Variants in PALM2AKAP2 observed in about 807,000 individuals in gnomAD.
PALM2AKAP2 encodes the protein PALM2 and AKAP2 fusion.
PALM2AKAP2 carries 37 observed loss-of-function variants against 71.5 expected under a neutral mutation model. The observed-to-expected ratio is 0.52, with a 90% CI of 0.40 to 0.68. PALM2AKAP2 has a LOEUF of 0.68. Among genes scored for constraint, PALM2AKAP2 ranks in the 30% least tolerant of loss-of-function variants. The pLI, the probability that PALM2AKAP2 is intolerant of heterozygous loss-of-function variation, is 0.00. For synonymous variants in PALM2AKAP2, 468 were observed against 478.8 expected, an observed-to-expected ratio of 0.98 and a Z score of 0.29; for missense variants, 1,224 against 1,191.8, an observed-to-expected ratio of 1.03 and a Z score of -0.40.
chr9:109,773,222 A>C (rs964094490), intron 1 of PALM2AKAP2, among the ~76,000 whole-genome samples: 8 of 151,822 alleles, frequency 5.3e-5, no homozygotes, highest in African/African-American at 1.9e-4. Flanking sequence ...TGCAGCCTCG[A>C]CCTCCTGGGT....
chr9:110,024,687 G>A (rs1354856489), intron 7 of PALM2AKAP2, among the ~76,000 whole-genome samples: 2 of 151,864 alleles, frequency 1.3e-5, no homozygotes, highest in Admixed American at 6.6e-5. Flanking sequence ...GGGAGGCTGA[G>A]GTGGGAGGCT....
At chr9:109,712,387 G>C (rs906899826) in intron 1 of PALM2AKAP2, among the ~76,000 whole-genome samples, 1 of 152,290 alleles carries the variant, frequency 6.6e-6, no homozygotes, top group Middle Eastern at 3.4e-3. Context: ...TTGCAAGGAG[G>C]CTCTTTTATC....
chr9:110,079,362 G>A (rs934573508), intron 1 of PALM2AKAP2, among the ~76,000 whole-genome samples: 57 of 152,092 alleles, frequency 3.7e-4, no homozygotes, highest in African/African-American at 1.3e-3. Context: ...CAAGCATGGC[G>A]GTGCATGCCT....
Position 110,081,077 on chromosome 9 carries a change from G to A in PALM2AKAP2, c.156+32222G>A, listed in dbSNP as rs559936281. Reference sequence around the variant, plus strand: ...TTACAATATTTTGAATCCTTCCGGAGACTGAATGAAAGATACATATTTAAA... The same window carrying A: ...TTACAATATTTTGAATCCTTCCGGAAACTGAATGAAAGATACATATTTAAA... On this transcript the variant is annotated intron_variant, in intron 1 of 3. Coordinates refer to ENST00000374525, the Ensembl canonical transcript of PALM2AKAP2. Among the ~76,000 whole-genome samples, 4 of 152,326 alleles carry A rather than the reference G, an allele frequency of 2.6e-5. No individual in the cohort carries two copies. The East Asian group carries it at 5.8e-4, about 22-fold the overall frequency.
At chr9:110,130,786 G>T (rs1261948316) in intron 1 of PALM2AKAP2, among the ~76,000 whole-genome samples, 1 of 152,152 alleles carries the variant, frequency 6.6e-6, no homozygotes, top group African/African-American at 2.4e-5. Flanking sequence ...ATCCCTAAGG[G>T]TGTATAAACC....
At chr9:109,941,181 C>A (rs369333244) in intron 6 of PALM2AKAP2, among the ~76,000 whole-genome samples, 1 of 144,056 alleles carries the variant, frequency 6.9e-6, no homozygotes, top group Admixed American at 7.0e-5. Context: ...AAGAAACAAC[C>A]CTTTACAAGT....
At chr9:109,901,966 C>G (rs1376245315) in intron 3 of PALM2AKAP2, among the ~76,000 whole-genome samples, 1 of 152,164 alleles carries the variant, frequency 6.6e-6, no homozygotes, top group Non-Finnish European at 1.5e-5. Context: ...TCCGCTGTCT[C>G]CTTTTCTTTT....
chr9:109,762,831 A>G (rs371873274), intron 1 of PALM2AKAP2, among the ~76,000 whole-genome samples: 112 of 152,204 alleles, frequency 7.4e-4, no homozygotes, highest in African/African-American at 2.6e-3. Context: ...CCCTCCTTTT[A>G]TCTCAATGCC....
intron 1 of PALM2AKAP2, among the ~76,000 whole-genome samples, chr9:109,711,880 C>G (rs918570100): frequency 6.6e-6 from 1 of 152,166 alleles, no homozygotes; most frequent in Middle Eastern, 3.2e-3. Flanking sequence ...CAGGAGACAG[C>G]AAAATCATGG....
chr9:109,780,486 A>T (rs1367299749), exon 1 of PALM2AKAP2: 2 of 1,613,390 alleles, frequency 1.2e-6, no homozygotes, highest in African/African-American at 2.7e-5. Flanking sequence ...GCCCTTCTCC[A>T]GGATGGCAGA....
intron 1 of PALM2AKAP2, among the ~76,000 whole-genome samples, chr9:110,089,322 A>G (rs946500416): frequency 6.6e-5 from 10 of 152,246 alleles, no homozygotes; most frequent in Non-Finnish European, 1.3e-4. Flanking sequence ...AAGTGGAATT[A>G]AAATGATCTC....
chr9:110,017,348 C>A (rs1427489216), intron 7 of PALM2AKAP2, among the ~76,000 whole-genome samples: 1 of 152,170 alleles, frequency 6.6e-6, no homozygotes, highest in Non-Finnish European at 1.5e-5. Flanking sequence ...AGGATAGTAG[C>A]CTGATTAGTC....
intron 3 of PALM2AKAP2, among the ~76,000 whole-genome samples, chr9:109,908,884 C>T (rs966280773): frequency 6.6e-6 from 1 of 150,786 alleles, no homozygotes; most frequent in African/African-American, 2.4e-5. Flanking sequence ...TATCACAGAG[C>T]GCTGGATTTA....
intron 1 of PALM2AKAP2, among the ~76,000 whole-genome samples, chr9:109,712,105 A>G (rs1828251066): frequency 1.3e-5 from 2 of 152,146 alleles, no homozygotes; most frequent in African/African-American, 4.8e-5. Flanking sequence ...CATATACTTT[A>G]TAGAACTGTG....
chr9:109,713,183 G>A (rs1828266758), intron 1 of PALM2AKAP2, among the ~76,000 whole-genome samples: 1 of 152,178 alleles, frequency 6.6e-6, no homozygotes, highest in Admixed American at 6.5e-5. Context: ...CACATGGCAG[G>A]CATTTATTGA....
intron 1 of PALM2AKAP2, among the ~76,000 whole-genome samples, chr9:110,071,596 T>C (rs1217467833): frequency 2.0e-5 from 3 of 152,218 alleles, no homozygotes; most frequent in Non-Finnish European, 2.9e-5. Flanking sequence ...AACTCCTCCT[T>C]CTTTCAGTTC....
intron 2 of PALM2AKAP2, among the ~76,000 whole-genome samples, chr9:109,880,342 A>T (rs908069401): frequency 6.6e-6 from 1 of 152,164 alleles, no homozygotes; most frequent in Non-Finnish European, 1.5e-5. Context: ...CTATTTTTAA[A>T]TTTTTTTAAT....
At chr9:109,698,897 T>A (rs1457220800) in intron 1 of PALM2AKAP2, among the ~76,000 whole-genome samples, 1 of 152,184 alleles carries the variant, frequency 6.6e-6, no homozygotes, top group Non-Finnish European at 1.5e-5. Flanking sequence ...AGTAAGTAAA[T>A]GTCTTTTCAA....
chr9:109,898,233 G>A (rs374436268), intron 3 of PALM2AKAP2, among the ~76,000 whole-genome samples: 13 of 152,248 alleles, frequency 8.5e-5, no homozygotes, highest in South Asian at 2.1e-4. Flanking sequence ...TGTACTCTGC[G>A]CACCTGCCCC....
Sources: gnomAD v4.1 joint callset for allele counts (sites outside exome capture counted in the v4.1 genomes callset) on GRCh38, gnomAD v4.1.1 for gene constraint, MANE v1.5 for transcripts, NCBI Gene and HGNC (gene_info 2026-07-23, HGNC 2026-07-21) for gene names.